The following MDFIC variants were observed in gnomAD, a reference collection of about 807,000 sequenced individuals.
The protein encoded by MDFIC is MyoD family inhibitor domain containing, also known as myoD family inhibitor domain-containing protein.
In MDFIC, 17 loss-of-function variants were observed where a neutral mutation model predicts 23.2. That is an observed-to-expected ratio of 0.73 (90% CI 0.50 to 1.10). The LOEUF (loss-of-function observed/expected upper bound fraction) is 1.10. MDFIC is among the 50% of genes least tolerant of loss of function. The pLI, the probability that MDFIC is intolerant of heterozygous loss-of-function variation, is 0.00. For missense variants in MDFIC, 356 were observed against 316.6 expected (o/e 1.12, Z -0.95); for synonymous variants, 120 against 115.2 (o/e 1.04, Z -0.27).
chr7:115,012,735 C>G (rs372357879), intron 4 of MDFIC, among the ~76,000 whole-genome samples: 1 of 152,124 alleles, frequency 6.6e-6, no homozygotes, highest in East Asian at 1.9e-4. Context: ...CCCAGCACTT[C>G]GGGAGGCCAA....
intron 2 of MDFIC, among the ~76,000 whole-genome samples, chr7:114,940,824 C>A (rs1053774229): frequency 2.0e-5 from 3 of 152,146 alleles, no homozygotes; most frequent in African/African-American, 7.2e-5. Context: ...TAGGCTTTCC[C>A]AGTCAAATCC....
At chr7:114,987,428 A>G (rs1793533698) in intron 4 of MDFIC, among the ~76,000 whole-genome samples, 1 of 152,194 alleles carries the variant, frequency 6.6e-6, no homozygotes, top group South Asian at 2.1e-4. Flanking sequence ...GCTTCCAGAA[A>G]CAAATTTTCT....
chr7:115,010,186 T>A (rs1440849650), intron 4 of MDFIC, among the ~76,000 whole-genome samples: 1 of 152,204 alleles, frequency 6.6e-6, no homozygotes, highest in African/African-American at 2.4e-5. Flanking sequence ...TCTTATGATC[T>A]TCTCTTTGCC....
intron 2 of MDFIC, among the ~76,000 whole-genome samples, chr7:114,938,172 T>A (rs1792465403): frequency 6.6e-6 from 1 of 151,996 alleles, no homozygotes. Flanking sequence ...GTCAGGCTGG[T>A]CTCGAACTCC....
chr7:114,990,869 T>G (rs1046173260), intron 4 of MDFIC, among the ~76,000 whole-genome samples: 3 of 152,166 alleles, frequency 2.0e-5, no homozygotes, highest in African/African-American at 7.2e-5. Context: ...TACCCAGTAA[T>G]GGGATGGCTG....
At chr7:114,972,365 A>G (rs1406715463) in intron 3 of MDFIC, among the ~76,000 whole-genome samples, 1 of 152,078 alleles carries the variant, frequency 6.6e-6, no homozygotes, top group East Asian at 1.9e-4. Flanking sequence ...CTGGTTTAAA[A>G]CTAAAAATTC....
At position 114,922,305 on chromosome 7, in the gene MDFIC, G is replaced by A. The variant is rs1792095417; in HGVS notation, c.-439G>A. The A allele has an allele frequency of 3.4e-6, 3 of 892,780 alleles. No individual in the cohort carries two copies. The East Asian group carries it at 1.0e-4, about 30-fold the overall frequency. The allele number at this position is 892,780 out of a possible 1,614,324, so 55.3% of individuals were successfully genotyped here. A position where few individuals can be genotyped will look rare whatever the true frequency, so the allele number is the denominator to read the frequency against. ...ATGTGATGAAAAAGAGCAACAGAGG[G>A]AGAAGTGTTTCAGGATTGTAGGAGT... On this transcript the variant is annotated 5_prime_UTR_variant, in exon 1 of 5. Transcript: ENST00000393486.
intron 2 of MDFIC, among the ~76,000 whole-genome samples, chr7:114,935,992 A>G (rs2115730014): frequency 6.6e-6 from 1 of 152,242 alleles, no homozygotes; most frequent in East Asian, 1.9e-4. Context: ...AGTGTGAATG[A>G]GCTCTTATTC....
At chr7:114,963,512 C>T (rs1793034135) in intron 3 of MDFIC, among the ~76,000 whole-genome samples, 1 of 152,152 alleles carries the variant, frequency 6.6e-6, no homozygotes, top group African/African-American at 2.4e-5. Flanking sequence ...AAAAATTTCC[C>T]TTGATATTCT....
intron 4 of MDFIC, among the ~76,000 whole-genome samples, chr7:115,011,250 G>T (rs774191322): frequency 2.6e-5 from 4 of 152,000 alleles, no homozygotes; most frequent in Non-Finnish European, 4.4e-5. Flanking sequence ...GGTAAAATAG[G>T]CATAATACCG....
intron 2 of MDFIC, among the ~76,000 whole-genome samples, chr7:114,931,107 T>C (rs1792300391): frequency 2.0e-5 from 3 of 152,310 alleles, no homozygotes; most frequent in Non-Finnish European, 4.4e-5. Context: ...AGTAACACTT[T>C]ATTGAAGTTA....
chr7:114,948,806 T>C (rs1321144436), intron 3 of MDFIC, among the ~76,000 whole-genome samples: 2 of 152,208 alleles, frequency 1.3e-5, no homozygotes, highest in East Asian at 3.9e-4. Context: ...TCTGGAATTG[T>C]AAATTGGAAT....
chr7:114,958,231 G>A (rs1290577967), intron 3 of MDFIC, among the ~76,000 whole-genome samples: 1 of 152,170 alleles, frequency 6.6e-6, no homozygotes, highest in African/African-American at 2.4e-5. Context: ...CTCTCACATT[G>A]AGGGAGTTCC....
At chr7:114,931,052 T>A (rs1162795181) in intron 2 of MDFIC, among the ~76,000 whole-genome samples, 1 of 152,138 alleles carries the variant, frequency 6.6e-6, no homozygotes, top group Non-Finnish European at 1.5e-5. Context: ...TCTCTCTCCC[T>A]CCGTCCCCTT....
rs1350743342 is a variant in MDFIC at position 115,018,869 on chromosome 7, G to A, written c.*2934G>A. 6.6e-6 allele frequency: 1 copy of A among 151,918 alleles called. No homozygotes were observed. Among genetic ancestry groups the A allele is most frequent in the Non-Finnish European group, 1.5e-5 (1 of 67,860 alleles). The allele number at this position is 151,918 out of a possible 1,614,324, so 9.4% of individuals were successfully genotyped here. A position where few individuals can be genotyped will look rare whatever the true frequency, so the allele number is the denominator to read the frequency against. ...TTATCATGTTTCATCCCTGTCTGAA[G>A]ATTTCCTAGTCTTCTTATGTAAATC... On this transcript the variant is annotated 3_prime_UTR_variant, in exon 5 of 5. Transcript: ENST00000393486.
Position 115,016,349 on chromosome 7 carries a change from T to A in MDFIC, c.*414T>A, listed in dbSNP as rs1369312679. On this transcript the variant is annotated 3_prime_UTR_variant, in exon 5 of 5. Coordinates refer to ENST00000393486, the MANE Select transcript of MDFIC (RefSeq NM_001166345.3). ...TATTCATGATTGAAAGGAAGCAGTC[T>A]TGGCCAGGCACGGTGGCTTACACCT... 5.7e-6 allele frequency: 1 copy of A among 176,964 alleles called. No individual in the cohort carries two copies. The highest frequency in any genetic ancestry group is 1.2e-5 in the Non-Finnish European group (1 of 83,156). 11.0% of individuals were successfully genotyped at this position (176,964 alleles called of 1,614,324 possible). A position where few individuals can be genotyped will look rare whatever the true frequency, so the allele number is the denominator to read the frequency against.
chr7:114,963,957 A>G (rs1793042870), intron 3 of MDFIC, among the ~76,000 whole-genome samples: 1 of 152,216 alleles, frequency 6.6e-6, no homozygotes, highest in African/African-American at 2.4e-5. Flanking sequence ...TACTTTCTAG[A>G]TAAATGTCCG....
chr7:115,000,129 G>C (rs918426221), intron 4 of MDFIC, among the ~76,000 whole-genome samples: 1 of 152,024 alleles, frequency 6.6e-6, no homozygotes, highest in Non-Finnish European at 1.5e-5. Context: ...CATATAGAAC[G>C]GTGGTCCCAT....
chr7:114,994,774 C>T (rs1006443031), intron 4 of MDFIC, among the ~76,000 whole-genome samples: 1 of 152,022 alleles, frequency 6.6e-6, no homozygotes, highest in Non-Finnish European at 1.5e-5. Context: ...TCTCTGGCTG[C>T]CCTTAACATT....
Sources: allele counts gnomAD v4.1 joint callset (sites outside exome capture counted in the v4.1 genomes callset), GRCh38; gene constraint gnomAD v4.1.1; transcripts MANE v1.5; gene names NCBI Gene and HGNC (gene_info 2026-07-23, HGNC 2026-07-21).